Variants in KIAA1549L observed in about 807,000 individuals in gnomAD.
KIAA1549L encodes the protein UPF0606 protein KIAA1549L.
In KIAA1549L, 88 loss-of-function variants were observed where a neutral mutation model predicts 160.7. The observed-to-expected ratio is 0.55, with a 90% confidence interval of 0.46 to 0.65. KIAA1549L has a LOEUF of 0.65. Ranked by LOEUF, KIAA1549L falls within the 30% of genes least tolerant of loss-of-function variation. KIAA1549L has a pLI of 0.00. For synonymous variants in KIAA1549L, 950 were observed against 976.7 expected (o/e 0.97, Z 0.51); for missense variants, 2,258 against 2,437.5 (o/e 0.93, Z 1.55).
At chr11:33,655,907 A>G in intron 17 of KIAA1549L, 105 bp from the exon 18 acceptor site, 2 of 750,506 alleles carry the variant, frequency 2.7e-6, no homozygotes, top group East Asian at 5.3e-5. Flanking sequence ...AAGGAGGCAG[A>G]GTCTGACCCT....
chr11:33,424,973 C>A (rs1189550181), intron 1 of KIAA1549L, among the ~76,000 whole-genome samples: 1 of 152,216 alleles, frequency 6.6e-6, no homozygotes. Flanking sequence ...TCTCCAGTAT[C>A]TCCAAATGCC....
chr11:33,617,903 A>C (rs182798404), intron 15 of KIAA1549L, among the ~76,000 whole-genome samples: 14 of 151,772 alleles, frequency 9.2e-5, no homozygotes, highest in Non-Finnish European at 1.6e-4. Flanking sequence ...ATGTGGATGG[A>C]TGGACGGATG....
At chr11:33,625,809 G>T (rs900243188) in intron 16 of KIAA1549L, among the ~76,000 whole-genome samples, 1 of 152,110 alleles carries the variant, frequency 6.6e-6, no homozygotes, top group East Asian at 1.9e-4. Flanking sequence ...ATTGCTTTTG[G>T]TGTTTTAGAC....
intron 4 of KIAA1549L, among the ~76,000 whole-genome samples, chr11:33,548,961 A>G (rs1478075508): frequency 6.6e-6 from 1 of 152,248 alleles, no homozygotes; most frequent in Non-Finnish European, 1.5e-5. Flanking sequence ...AAAAAGAAGA[A>G]AAAAGAAATG....
At chr11:33,661,288 T>C (rs1852252409) in intron 20 of KIAA1549L, among the ~76,000 whole-genome samples, 1 of 152,196 alleles carries the variant, frequency 6.6e-6, no homozygotes, top group African/African-American at 2.4e-5. Context: ...ATAACTACCA[T>C]TTGTTGAGTA....
At chr11:33,411,654 CTT>C (rs1429170716) in intron 1 of KIAA1549L, among the ~76,000 whole-genome samples, 3 of 152,158 alleles carry the variant, frequency 2.0e-5, no homozygotes, top group Non-Finnish European at 4.4e-5. Flanking sequence ...CTGTAGGTAG[CTT>C]TTTAAATGAC....
At chr11:33,434,046 T>C (rs540143498) in intron 1 of KIAA1549L, among the ~76,000 whole-genome samples, 2 of 151,894 alleles carry the variant, frequency 1.3e-5, no homozygotes, top group South Asian at 4.2e-4. Flanking sequence ...ACATGTATCC[T>C]GCTTATTTTT....
At chr11:33,436,306 C>A (rs1469118808) in intron 1 of KIAA1549L, among the ~76,000 whole-genome samples, 1 of 152,276 alleles carries the variant, frequency 6.6e-6, no homozygotes, top group Admixed American at 6.5e-5. Flanking sequence ...AGCCCAAGAT[C>A]AGCAATTGGC....
At chr11:33,471,708 C>G (rs1370583571) in intron 1 of KIAA1549L, among the ~76,000 whole-genome samples, 1 of 152,176 alleles carries the variant, frequency 6.6e-6, no homozygotes, top group Non-Finnish European at 1.5e-5. Flanking sequence ...GAGAAAACAT[C>G]TCTCCAACTG....
At chr11:33,532,336 C>T (rs1448537009) in intron 1 of KIAA1549L, among the ~76,000 whole-genome samples, 1 of 152,202 alleles carries the variant, frequency 6.6e-6, no homozygotes, top group African/African-American at 2.4e-5. Flanking sequence ...AACCCTGGTC[C>T]TCTGAGCAAA....
intron 17 of KIAA1549L, among the ~76,000 whole-genome samples, chr11:33,649,507 A>T (rs1394415196): frequency 9.9e-5 from 1 of 10,112 alleles, no homozygotes; most frequent in Non-Finnish European, 2.4e-4. Flanking sequence ...CTCTATTGTA[A>T]AAAAAAAAAA....
intron 4 of KIAA1549L, among the ~76,000 whole-genome samples, chr11:33,548,336 T>TG (rs1235718057): frequency 6.6e-6 from 1 of 152,048 alleles, no homozygotes; most frequent in Non-Finnish European, 1.5e-5. Context: ...GATGTGGAGG[T>TG]TGCAGTGAGC....
intron 1 of KIAA1549L, among the ~76,000 whole-genome samples, chr11:33,469,229 C>A (rs1349345195): frequency 6.6e-6 from 1 of 152,164 alleles, no homozygotes; most frequent in Non-Finnish European, 1.5e-5. Flanking sequence ...AATCTACCTT[C>A]TGTCTCTGTG....
chr11:33,381,229 G>A (rs1850068969), intron 1 of KIAA1549L, among the ~76,000 whole-genome samples: 2 of 152,080 alleles, frequency 1.3e-5, no homozygotes, highest in Admixed American at 6.6e-5. Context: ...AGAAATAAGT[G>A]GCAATAAGCA....
chr11:33,621,972 CT>C (rs1204880337), intron 16 of KIAA1549L, among the ~76,000 whole-genome samples: 1 of 152,200 alleles, frequency 6.6e-6, no homozygotes, highest in Non-Finnish European at 1.5e-5. Flanking sequence ...AACTACTTCT[CT>C]TAGTTTCCCT....
At chr11:33,587,883 G>T (rs1849927829) in intron 11 of KIAA1549L, among the ~76,000 whole-genome samples, 1 of 152,188 alleles carries the variant, frequency 6.6e-6, no homozygotes, top group African/African-American at 2.4e-5. Context: ...CAGGAGTGTT[G>T]CATAGGAGCC....
intron 8 of KIAA1549L, 94 bp from the exon 9 acceptor site, chr11:33,567,982 C>G (rs1266572725): frequency 7.5e-7 from 1 of 1,325,682 alleles, no homozygotes; most frequent in Non-Finnish European, 1.0e-6. Flanking sequence ...CACAGTGGCC[C>G]TTGGTGGCCT....
At chr11:33,536,893 G>A (rs570660678) in intron 1 of KIAA1549L, among the ~76,000 whole-genome samples, 14 of 152,124 alleles carry the variant, frequency 9.2e-5, no homozygotes, top group Non-Finnish European at 1.8e-4. Flanking sequence ...TCTCTTTCCC[G>A]TCTGTTCTTC....
chr11:33,635,451 G>T (rs1851412947), intron 16 of KIAA1549L, among the ~76,000 whole-genome samples: 1 of 152,204 alleles, frequency 6.6e-6, no homozygotes, highest in Non-Finnish European at 1.5e-5. Context: ...TTGACACTGA[G>T]CTGAAAATCT....
Sources: gnomAD v4.1 joint callset for allele counts (sites outside exome capture counted in the v4.1 genomes callset) on GRCh38, gnomAD v4.1.1 for gene constraint, MANE v1.5 for transcripts, NCBI Gene and HGNC (gene_info 2026-07-23, HGNC 2026-07-21) for gene names.